The following ARMC2 variants were observed in gnomAD, a reference collection of about 807,000 sequenced individuals.
The protein encoded by ARMC2 is armadillo repeat containing 2.
In ARMC2, 67 loss-of-function variants were observed where a neutral mutation model predicts 90.3. The ratio of observed to expected loss-of-function variants is 0.74; its 90% CI spans 0.61 to 0.91. The LOEUF is 0.91. Among genes scored for constraint, ARMC2 ranks in the 40% least tolerant of loss-of-function variants. The pLI, the probability that ARMC2 is intolerant of heterozygous loss-of-function variation, is 0.00. For missense variants in ARMC2, 920 were observed against 1,030.9 expected, an observed-to-expected ratio of 0.89 and a Z score of 1.47; for synonymous variants, 393 against 393.0, an observed-to-expected ratio of 1.00 and a Z score of 0.00.
chr6:108,862,893 T>C (rs1311502531), intron 3 of ARMC2, among the ~76,000 whole-genome samples: 1 of 152,186 alleles, frequency 6.6e-6, no homozygotes, highest in Non-Finnish European at 1.5e-5. Flanking sequence ...AGCTCCTACA[T>C]TGAGCAGATT....
At chr6:108,930,861 C>T (rs1583154943) in intron 11 of ARMC2, among the ~76,000 whole-genome samples, 2 of 151,228 alleles carry the variant, frequency 1.3e-5, no homozygotes, top group South Asian at 4.2e-4. Context: ...TCCCAAAGTG[C>T]TGGGATTACA....
downstream of ARMC2, among the ~76,000 whole-genome samples, chr6:108,977,101 C>G (rs1778996927): frequency 6.6e-6 from 1 of 152,168 alleles, no homozygotes; most frequent in Admixed American, 6.5e-5. Context: ...GGGAATGCTT[C>G]CAGCTTTTGC....
chr6:109,050,545 C>A, the ARMC2 span, among the ~76,000 whole-genome samples: 1 of 152,270 alleles, frequency 6.6e-6, no homozygotes, highest in South Asian at 2.1e-4. Flanking sequence ...GTCTGAAAGA[C>A]TGATGAAATT....
At chr6:109,008,753 T>G in the ARMC2 span, 1 of 984,436 alleles carries the variant, frequency 1.0e-6, no homozygotes, top group African/African-American at 1.7e-5. Context: ...TAAGTACCTC[T>G]TTCTAAAGGA....
At chr6:108,929,950 C>T (rs1315231884) in intron 11 of ARMC2, among the ~76,000 whole-genome samples, 1 of 151,724 alleles carries the variant, frequency 6.6e-6, no homozygotes, top group South Asian at 2.1e-4. Flanking sequence ...TCTAGCGCTG[C>T]CCCCCACCCC....
chr6:108,891,251 C>G lies in ARMC2; in HGVS notation c.672-3216C>G, dbSNP rs1176252332. 3.3e-5 allele frequency among the ~76,000 whole-genome samples: 5 copies of G among 152,258 alleles called. No homozygotes were observed. In the East Asian group the frequency reaches 9.6e-4, roughly 29 times the overall value. On this transcript the variant is annotated intron_variant, in intron 5 of 17. Transcript: ENST00000392644. ...CATTATAGTAGAATGATTTATAATC[C>G]TTTGGGTATATACCCAGTAATGGGA...
intron 10 of ARMC2, among the ~76,000 whole-genome samples, chr6:108,912,840 C>T (rs62427187): frequency 6.6e-6 from 1 of 152,220 alleles, no homozygotes; most frequent in Non-Finnish European, 1.5e-5. Context: ...TTGTACCTCT[C>T]TGCAAAACAA....
intron 8 of ARMC2, among the ~76,000 whole-genome samples, chr6:108,910,471 A>C (rs2128470819): frequency 6.6e-6 from 1 of 152,194 alleles, no homozygotes; most frequent in South Asian, 2.1e-4. Flanking sequence ...TAAAAAAGAA[A>C]AGAGAGAGAG....
the ARMC2 span, among the ~76,000 whole-genome samples, chr6:108,983,190 T>C: frequency 6.6e-5 from 10 of 152,238 alleles, no homozygotes; most frequent in South Asian, 4.1e-4. Flanking sequence ...TCTTATCAAA[T>C]ATATGATTTG....
chr6:108,851,599 T>C (rs1009923854), intron 1 of ARMC2, among the ~76,000 whole-genome samples: 1 of 152,074 alleles, frequency 6.6e-6, no homozygotes, highest in South Asian at 2.1e-4. Flanking sequence ...GTTTGAATAT[T>C]ATCTGTGGGC....
At chr6:108,973,293 TTA>T in intron 17 of ARMC2, 62 bp from the exon 18 acceptor site, 1 of 1,409,938 alleles carries the variant, frequency 7.1e-7, no homozygotes, top group East Asian at 2.4e-5. Context: ...ATCATCAAAA[TTA>T]AACTATATTC....
intron 7 of ARMC2, among the ~76,000 whole-genome samples, chr6:108,900,179 G>A (rs1366222437): frequency 3.3e-5 from 5 of 152,144 alleles, no homozygotes; most frequent in Non-Finnish European, 5.9e-5. Flanking sequence ...ATAAACTGGC[G>A]TCCTTGACAG....
At position 108,880,942 on chromosome 6, in the gene ARMC2, G is replaced by A. The variant is rs150585770; in HGVS notation, c.671+4592G>A. The stretch of plus-strand genomic sequence containing the variant: ...ACAATCTTGGCTCACTGCAACCTCC[G>A]CCTCCCTGGTTCAAGCGATTCTCCT... On this transcript the variant is annotated intron_variant, in intron 5 of 17. Coordinates refer to ENST00000392644, the MANE Select transcript of ARMC2 (RefSeq NM_032131.6). Among the ~76,000 whole-genome samples, 629 of 151,300 alleles carry A rather than the reference G, an allele frequency of 4.2e-3. 1 individual carries two copies. The highest frequency in any genetic ancestry group is 0.012 in the African/African-American group (513 of 41,216).
At chr6:108,878,514 T>C (rs1777154639) in intron 5 of ARMC2, among the ~76,000 whole-genome samples, 2 of 152,228 alleles carry the variant, frequency 1.3e-5, no homozygotes, top group Non-Finnish European at 1.5e-5. Context: ...TCCATGAAAC[T>C]GCAATAATTG....
chr6:108,962,248 C>A, intron 15 of ARMC2, 121 bp downstream of exon 15: 1 of 845,318 alleles, frequency 1.2e-6, no homozygotes, highest in East Asian at 2.8e-5. Context: ...TGTAAAGCTT[C>A]GTGTTTAAGG....
At chr6:109,023,068 T>C in the ARMC2 span, among the ~76,000 whole-genome samples, 1 of 152,152 alleles carries the variant, frequency 6.6e-6, no homozygotes, top group Non-Finnish European at 1.5e-5. Flanking sequence ...CCCAAATCAG[T>C]AGAACAGTAT....
In ARMC2 at chr6:108,920,759, C is replaced by T. The variant is rs76410188; in HGVS notation, c.1351-7329C>T. 4.1e-3 allele frequency among the ~76,000 whole-genome samples: 618 copies of T among 152,230 alleles called. 2 individuals carry two copies. Among genetic ancestry groups the T allele is most frequent in the African/African-American group, 0.014 (579 of 41,548 alleles). On this transcript the variant is annotated intron_variant, in intron 10 of 17. Coordinates refer to ENST00000392644, the MANE Select transcript of ARMC2 (RefSeq NM_032131.6). Reference sequence around the variant, plus strand: ...AGTCCTAGAATTAGATTTACCCACCCAGTCACAGACCATGTCTGTCCCTGG... The same window carrying T: ...AGTCCTAGAATTAGATTTACCCACCTAGTCACAGACCATGTCTGTCCCTGG...
intron 2 of ARMC2, among the ~76,000 whole-genome samples, chr6:108,857,515 T>C (rs1304682288): frequency 6.6e-6 from 1 of 152,182 alleles, no homozygotes. Flanking sequence ...TCTTGTCTTA[T>C]TGCATTAGCT....
At chr6:108,904,625 G>A (rs774944157) in intron 8 of ARMC2, among the ~76,000 whole-genome samples, 3 of 137,174 alleles carry the variant, frequency 2.2e-5, no homozygotes, top group African/African-American at 8.2e-5. Context: ...GAAACTCAAC[G>A]TTTTTGGACT....
Sources: gnomAD v4.1 joint callset for allele counts (sites outside exome capture counted in the v4.1 genomes callset) on GRCh38, gnomAD v4.1.1 for gene constraint, MANE v1.5 for transcripts, NCBI Gene and HGNC (gene_info 2026-07-23, HGNC 2026-07-21) for gene names.